The following TBC1D22B variants were observed in gnomAD, a reference collection of about 807,000 sequenced individuals.
TBC1D22B encodes the protein TBC1 domain family member 22B.
A neutral mutation model predicts 69.1 loss-of-function variants in TBC1D22B; 32 were observed. The observed-to-expected ratio is 0.46, with a 90% CI of 0.35 to 0.62. TBC1D22B has a LOEUF of 0.62. Ranked by LOEUF, TBC1D22B falls within the 20% of genes least tolerant of loss-of-function variation. TBC1D22B has a pLI of 0.00. For missense variants in TBC1D22B, 462 were observed against 630.9 expected (o/e 0.73, Z 2.87); for synonymous variants, 206 against 229.8 (o/e 0.90, Z 0.94).
At chr6:37,258,297 C>A in intron 1 of TBC1D22B, 1 of 329,670 alleles carries the variant, frequency 3.0e-6, no homozygotes, top group Non-Finnish European at 5.7e-6. Flanking sequence ...AAGTTCCTCC[C>A]CAGAGCTGCT....
intron 8 of TBC1D22B, among the ~76,000 whole-genome samples, chr6:37,293,419 C>G (rs1767258971): frequency 6.6e-6 from 1 of 152,138 alleles, no homozygotes; most frequent in Non-Finnish European, 1.5e-5. Context: ...CATCTGTGAT[C>G]AGCAAACTTT....
intron 1 of TBC1D22B, among the ~76,000 whole-genome samples, chr6:37,263,809 C>T (rs1766183795): frequency 6.6e-6 from 1 of 152,200 alleles, no homozygotes. Context: ...TAGTCTTGAT[C>T]TCCTGACCTC....
chr6:37,296,121 G>T (rs1455650160), intron 8 of TBC1D22B, among the ~76,000 whole-genome samples: 1 of 152,154 alleles, frequency 6.6e-6, no homozygotes, highest in South Asian at 2.1e-4. Flanking sequence ...AATTAGTGGG[G>T]TGTGGTGGCA....
chr6:37,263,272 T>G (rs1766166202), intron 1 of TBC1D22B, among the ~76,000 whole-genome samples: 1 of 152,258 alleles, frequency 6.6e-6, no homozygotes. Flanking sequence ...ATTGACTTTC[T>G]GGTTTTTCCA....
chr6:37,307,646 G>T (rs1029138246), intron 8 of TBC1D22B, among the ~76,000 whole-genome samples: 1 of 152,296 alleles, frequency 6.6e-6, no homozygotes, highest in African/African-American at 2.4e-5. Flanking sequence ...GAGCCACAGC[G>T]CCTGGCCTGT....
At chr6:37,278,871 T>C (rs1766741084) in intron 2 of TBC1D22B, among the ~76,000 whole-genome samples, 1 of 151,954 alleles carries the variant, frequency 6.6e-6, no homozygotes, top group Admixed American at 6.5e-5. Context: ...AGGTCAAGGC[T>C]GCAGAGAGCC....
Position 37,332,242 on chromosome 6 carries a change from GTCC to G in TBC1D22B, c.*1076_*1078del. On this transcript the variant is annotated 3_prime_UTR_variant, in exon 13 of 13. Coordinates refer to ENST00000373491, the MANE Select transcript of TBC1D22B (RefSeq NM_017772.4). ...CCATCCCAAGCATCAGTGTCTCAGA[GTCC>G]TCCTCGCCCCTTTCTTCACCCCGCC... is the stretch of plus-strand genomic sequence containing the variant. 6.5e-6 allele frequency: 1 copy of G among 152,676 alleles called. No homozygotes were observed. Among genetic ancestry groups the G allele is most frequent in the South Asian group, 2.1e-4 (1 of 4,824 alleles). The allele number at this position is 152,676 out of a possible 1,614,324, so 9.5% of individuals were successfully genotyped here.
In TBC1D22B at chr6:37,306,873, A is replaced by G. The variant is rs144542146; in HGVS notation, c.983-6045A>G. Among the ~76,000 whole-genome samples, 383 of 152,310 alleles carry G rather than the reference A, an allele frequency of 2.5e-3. 2 individuals are homozygous for G. The highest frequency in any genetic ancestry group is 8.7e-3 in the African/African-American group (362 of 41,566). ...TTCAAAATAGCACATCTCCTCTGAC[A>G]GTCAGAAAAACATGGGCCTTGTGAA... On this transcript the variant is annotated intron_variant, in intron 8 of 12. Coordinates refer to ENST00000373491, the MANE Select transcript of TBC1D22B (RefSeq NM_017772.4).
intron 8 of TBC1D22B, among the ~76,000 whole-genome samples, chr6:37,308,664 A>G (rs1767810264): frequency 6.6e-6 from 1 of 152,214 alleles, no homozygotes; most frequent in Middle Eastern, 3.2e-3. Flanking sequence ...CACCTTACCA[A>G]CTTATGACCT....
intron 1 of TBC1D22B, among the ~76,000 whole-genome samples, chr6:37,258,877 A>C (rs969800419): frequency 1.3e-5 from 2 of 151,536 alleles, no homozygotes; most frequent in African/African-American, 4.9e-5. Context: ...GATGAAATTC[A>C]TGTTTGGTTG....
intron 8 of TBC1D22B, among the ~76,000 whole-genome samples, chr6:37,306,153 A>G (rs1442539451): frequency 5.3e-5 from 8 of 152,178 alleles, no homozygotes; most frequent in Non-Finnish European, 5.9e-5. Context: ...CTGTCATTGC[A>G]GGAGGTGAGC....
intron 7 of TBC1D22B, among the ~76,000 whole-genome samples, chr6:37,288,547 G>C (rs1159336495): frequency 6.6e-6 from 1 of 152,088 alleles, no homozygotes; most frequent in African/African-American, 2.4e-5. Context: ...GACCAGTCTG[G>C]GTAACATAGC....
chr6:37,262,194 C>A (rs1249843998), intron 1 of TBC1D22B, among the ~76,000 whole-genome samples: 2 of 151,870 alleles, frequency 1.3e-5, no homozygotes, highest in Non-Finnish European at 2.9e-5. Flanking sequence ...CCATGCCCAG[C>A]TAATTTTTGT....
chr6:37,323,360 T>C (rs900018489), intron 12 of TBC1D22B, among the ~76,000 whole-genome samples: 3 of 152,058 alleles, frequency 2.0e-5, no homozygotes, highest in African/African-American at 7.2e-5. Flanking sequence ...AGACCCTGTC[T>C]CTAAAAAAAA....
At chr6:37,320,474 A>G (rs1768208632) in intron 12 of TBC1D22B, among the ~76,000 whole-genome samples, 1 of 152,206 alleles carries the variant, frequency 6.6e-6, no homozygotes. Context: ...GCTTATTATC[A>G]TTAATATTAA....
At chr6:37,305,297 A>G (rs1464525398) in intron 8 of TBC1D22B, among the ~76,000 whole-genome samples, 2 of 152,126 alleles carry the variant, frequency 1.3e-5, no homozygotes, top group Non-Finnish European at 2.9e-5. Context: ...TAAAATGTGA[A>G]CTTCATATTA....
intron 8 of TBC1D22B, among the ~76,000 whole-genome samples, chr6:37,300,748 G>C (rs995736932): frequency 6.6e-6 from 1 of 151,952 alleles, no homozygotes; most frequent in African/African-American, 2.4e-5. Context: ...ATACTGTCTT[G>C]GTTGTTCTTC....
chr6:37,324,610 A>G (rs1211077175), intron 12 of TBC1D22B, among the ~76,000 whole-genome samples: 3 of 152,224 alleles, frequency 2.0e-5, no homozygotes, highest in Non-Finnish European at 4.4e-5. Flanking sequence ...ATCAAGCCTT[A>G]CTATGAGTCC....
intron 12 of TBC1D22B, among the ~76,000 whole-genome samples, chr6:37,326,145 G>A (rs1302896547): frequency 6.6e-6 from 1 of 152,104 alleles, no homozygotes; most frequent in Non-Finnish European, 1.5e-5. Context: ...ACTTTGGGAG[G>A]CTGAGGCGGG....
Sources: allele counts gnomAD v4.1 joint callset (sites outside exome capture counted in the v4.1 genomes callset), GRCh38; gene constraint gnomAD v4.1.1; transcripts MANE v1.5; gene names NCBI Gene and HGNC (gene_info 2026-07-23, HGNC 2026-07-21).